The following MYH11 variants were observed in gnomAD, a reference collection of about 807,000 sequenced individuals.
MYH11 encodes myosin heavy chain 11.
A neutral mutation model predicts 246.6 loss-of-function variants in MYH11; 80 were observed. That is an observed-to-expected ratio of 0.32 (90% CI 0.27 to 0.39). The LOEUF is 0.39. Among genes scored for constraint, MYH11 ranks in the 10% least tolerant of loss-of-function variants. MYH11 has a pLI of 1.00. For synonymous variants in MYH11, 1,071 were observed against 1,015.5 expected (o/e 1.05, Z -1.04); for missense variants, 2,158 against 2,546.8 (o/e 0.85, Z 3.29).
intron 5 of MYH11, 71 bp from the exon 6 acceptor site, chr16:15,782,548 T>A: frequency 7.9e-7 from 1 of 1,273,176 alleles, no homozygotes; most frequent in Non-Finnish European, 1.1e-6. Flanking sequence ...TGGATGGATG[T>A]TGTCACAAAA....
Position 15,726,684 on chromosome 16 carries a change from A to G in MYH11, c.3858+164T>C, listed in dbSNP as rs2040778071. The G allele has an allele frequency of 1.5e-5, 13 of 840,052 alleles. No homozygotes were observed. The South Asian group carries it at 1.9e-4, about 12-fold the overall frequency. The allele number at this position is 840,052 out of a possible 1,614,324, so 52.0% of individuals were successfully genotyped here. On this transcript the variant is annotated intron_variant, in intron 28 of 40. Transcript: ENST00000300036. ...TGCCTGGCCAGAAGGTTTTTTTAAT[A>G]TTTAATTGAACAGGGAGATCATCGC...
chr16:15,806,771 G>T (rs1250571775), intron 3 of MYH11, among the ~76,000 whole-genome samples: 1 of 151,998 alleles, frequency 6.6e-6, no homozygotes, highest in Non-Finnish European at 1.5e-5. Context: ...GCTCCTGAAG[G>T]TACAAGGAAC....
At position 15,798,606 on chromosome 16, in the gene MYH11, A is replaced by AT. The variant is rs201103411; in HGVS notation, c.530+53dup. 9.9e-5 allele frequency: 141 copies of AT among 1,427,156 alleles called. No homozygotes were observed. In the African/African-American group the frequency reaches 2.1e-3, roughly 21 times the overall value. The allele number at this position is 1,427,156 out of a possible 1,614,324, so 88.4% of individuals were successfully genotyped here. A position where few individuals can be genotyped will look rare whatever the true frequency, so the allele number is the denominator to read the frequency against. ...TTCATAGGTTGGATCTCGACTACAG[A>AT]TTAAAAAAAAAAAAAAACAAAAAAA... On this transcript the variant is annotated intron_variant, in intron 4 of 40. Coordinates refer to ENST00000300036, the MANE Select transcript of MYH11 (RefSeq NM_002474.3).
Position 15,741,565 on chromosome 16 carries a change from C to A in MYH11, c.2757G>T (p.Glu919Asp). The change falls in exon 22 of 41, where the codon GAG becomes GAT. Residue 919 changes from glutamate (E) to aspartate (D), a missense_variant. Coordinates refer to ENST00000300036, the MANE Select transcript of MYH11 (RefSeq NM_002474.3). Reference sequence around the variant, plus strand: ...CCATCTCATGCAGTATCTCCTCCAGCTCCTGCTTCTTGGCCGCCAGCCGCA... The same window carrying A: ...CCATCTCATGCAGTATCTCCTCCAGATCCTGCTTCTTGGCCGCCAGCCGCA... The part of the protein sequence containing the change: ...MRVRLAAKKQ[E>D]LEEILHEMEA... The A allele has an allele frequency of 1.2e-6, 2 of 1,611,598 alleles. No homozygotes were observed. Among genetic ancestry groups the A allele is most frequent in the Non-Finnish European group, 1.7e-6 (2 of 1,180,022 alleles).
chr16:15,782,506 A>T (rs1567757290), intron 5 of MYH11, 29 bp from the exon 6 acceptor site: 1 of 1,588,486 alleles, frequency 6.3e-7, no homozygotes, highest in Admixed American at 1.7e-5. Flanking sequence ...TAGTTATTGG[A>T]GAAAGCAACC....
At chr16:15,718,475 T>G in intron 36 of MYH11, 37 bp from the exon 37 acceptor site, 1 of 1,536,066 alleles carries the variant, frequency 6.5e-7, no homozygotes, top group South Asian at 1.2e-5. Flanking sequence ...GCCTCTACCC[T>G]CCCCCGCCTT....
chr16:15,716,589 T>TCGGCTCACTGCAACCTCCACG (rs1370751040), intron 38 of MYH11, among the ~76,000 whole-genome samples: 1 of 152,134 alleles, frequency 6.6e-6, no homozygotes, highest in African/African-American at 2.4e-5. Context: ...TGGCACAATC[T>TCGGCTCACTGCAACCTCCACG]CGGCTCACTG....
chr16:15,776,460 T>A (rs985610257), intron 7 of MYH11, among the ~76,000 whole-genome samples: 1 of 152,160 alleles, frequency 6.6e-6, no homozygotes, highest in Non-Finnish European at 1.5e-5. Context: ...CTAACAGCCA[T>A]CACCAGCAAA....
At chr16:15,828,921 C>T (rs1235498089) in intron 2 of MYH11, among the ~76,000 whole-genome samples, 1 of 151,590 alleles carries the variant, frequency 6.6e-6, no homozygotes, top group African/African-American at 2.4e-5. Flanking sequence ...TGGTGGCTCA[C>T]ACCTTTAATG....
chr16:15,837,325 T>G (rs1311560313), intron 2 of MYH11, among the ~76,000 whole-genome samples: 1 of 152,150 alleles, frequency 6.6e-6, no homozygotes, highest in African/African-American at 2.4e-5. Flanking sequence ...TGTTGAGAGT[T>G]TATCATACGT....
Position 15,718,440 on chromosome 16 carries a change from TG to T in MYH11, c.5172-3del. On this transcript the variant is annotated splice_polypyrimidine_tract_variant and splice_region_variant and intron_variant, in intron 36 of 40. Transcript: ENST00000300036. Reference sequence around the variant, plus strand: ...CGCTTCTCGTCCTGGAGTGCGTTCCTGGGGGAAGGGCGGCCATGGTGGGGGC... The same window carrying T: ...CGCTTCTCGTCCTGGAGTGCGTTCCTGGGGAAGGGCGGCCATGGTGGGGGC... The T allele has an allele frequency of 6.4e-7, 1 of 1,559,770 alleles. No individual in the cohort carries two copies.
intron 14 of MYH11, 58 bp downstream of exon 14, chr16:15,756,283 G>A (rs2041713440): frequency 6.3e-6 from 10 of 1,585,972 alleles, no homozygotes; most frequent in Admixed American, 5.2e-5. Flanking sequence ...CTGTCTCTGC[G>A]CTGAGCAGCC....
chr16:15,806,328 A>G (rs1236933737), intron 3 of MYH11, among the ~76,000 whole-genome samples: 1 of 148,818 alleles, frequency 6.7e-6, no homozygotes, highest in Non-Finnish European at 1.5e-5. Flanking sequence ...AGCCAGCCAC[A>G]AAAGGTCACA....
At chr16:15,778,590 C>T (rs945092964) in intron 7 of MYH11, among the ~76,000 whole-genome samples, 190 bp downstream of exon 7, 11 of 152,242 alleles carry the variant, frequency 7.2e-5, no homozygotes, top group African/African-American at 2.6e-4. Flanking sequence ...GTTTAGGGTT[C>T]AAACCAGGGG....
At chr16:15,856,305 A>G (rs2044468129) in intron 1 of MYH11, among the ~76,000 whole-genome samples, 1 of 148,664 alleles carries the variant, frequency 6.7e-6, no homozygotes. Context: ...AGGGGTTCTC[A>G]ACATAGAAGA....
chr16:15,840,775 A>G (rs568497196), intron 1 of MYH11, among the ~76,000 whole-genome samples: 148 of 152,290 alleles, frequency 9.7e-4, no homozygotes, highest in African/African-American at 3.2e-3. Context: ...TATGGACCCC[A>G]TGAACATGTA....
Position 15,719,635 on chromosome 16 carries a change from T to G in MYH11, c.5032A>C (p.Asn1678His). Reference sequence around the variant, plus strand: ...TCCAAGCTCTTGGCTTTCTTCTCATTCTCTTTGGCTGTGGCAAAGATCTCA... The same window carrying G: ...TCCAAGCTCTTGGCTTTCTTCTCATGCTCTTTGGCTGTGGCAAAGATCTCA... ...RDEIFATAKE[N>H]EKKAKSLEAD... Residue 1678 changes from asparagine to histidine, a missense_variant, in exon 35 of 41, where the codon AAT becomes CAT. By Grantham distance (68) the Asn-to-His change is moderately conservative. Coordinates refer to ENST00000300036, the MANE Select transcript of MYH11 (RefSeq NM_002474.3). The G allele has an allele frequency of 6.2e-7, 1 of 1,614,146 alleles. No individual in the cohort carries two copies. Among genetic ancestry groups the G allele is most frequent in the South Asian group, 1.1e-5 (1 of 91,076 alleles).
At chr16:15,768,403 T>C (rs2151288147) in intron 9 of MYH11, among the ~76,000 whole-genome samples, 1 of 152,142 alleles carries the variant, frequency 6.6e-6, no homozygotes, top group East Asian at 1.9e-4. Context: ...AATCCTGGTG[T>C]CCCCTGGTCA....
rs2040482742 is a variant in MYH11 at position 15,721,512 on chromosome 16, C to T, written c.4488G>A (p.Leu1496=). Residue 1496 remains leucine, a synonymous_variant, in exon 32 of 41, where the codon TTG becomes TTA. Coordinates refer to ENST00000300036, the MANE Select transcript of MYH11 (RefSeq NM_002474.3). ...TCCGCTCGAGTTCCTCTTTGGCTTC[C>T]AAGGCCTCTTCAAGGGCCCGAGCCA... ...LSLARALEEA[L]EAKEELERTN... is the part of the protein sequence containing the mutation. The T allele has an allele frequency of 1.9e-6, 3 of 1,614,082 alleles. No individual in the cohort carries two copies. Among genetic ancestry groups the T allele is most frequent in the Non-Finnish European group, 2.5e-6 (3 of 1,180,050 alleles).
Sources: gnomAD v4.1 joint callset for allele counts (sites outside exome capture counted in the v4.1 genomes callset) on GRCh38, gnomAD v4.1.1 for gene constraint, MANE v1.5 for transcripts, NCBI Gene and HGNC (gene_info 2026-07-23, HGNC 2026-07-21) for gene names.